The following RBM20 variants were observed in gnomAD, a reference collection of about 807,000 sequenced individuals.
RBM20 encodes the protein RNA-binding protein 20.
A neutral mutation model predicts 110.1 loss-of-function variants in RBM20; 51 were observed. That is an observed-to-expected ratio of 0.46 (90% CI 0.37 to 0.59). The LOEUF (loss-of-function observed/expected upper bound fraction) is 0.59, where lower values mean the gene tolerates loss of function less well. Ranked by LOEUF, RBM20 falls within the 20% of genes least tolerant of loss-of-function variation. RBM20 has a pLI of 0.00. For synonymous variants in RBM20, 589 were observed against 618.2 expected (o/e 0.95, Z 0.70); for missense variants, 1,512 against 1,574.9 (o/e 0.96, Z 0.68).
chr10:110,799,606 A>T (rs1426354539), intron 6 of RBM20, among the ~76,000 whole-genome samples, 181 bp from the exon 7 acceptor site: 1 of 152,216 alleles, frequency 6.6e-6, no homozygotes, highest in African/African-American at 2.4e-5. Flanking sequence ...AGGTTTCCTT[A>T]TGCTTCTTCT....
intron 7 of RBM20, among the ~76,000 whole-genome samples, chr10:110,809,364 T>A (rs1844736799): frequency 1.3e-5 from 2 of 151,128 alleles, no homozygotes; most frequent in South Asian, 4.1e-4. Context: ...ATCAGCTTTA[T>A]TTTTTGAGAT....
intron 7 of RBM20, among the ~76,000 whole-genome samples, chr10:110,803,444 C>G (rs140157337): frequency 6.0e-4 from 92 of 152,316 alleles, no homozygotes; most frequent in African/African-American, 2.0e-3. Context: ...AGTGTGCATA[C>G]AGATCACTTG....
chr10:110,727,431 A>G (rs915941179), intron 1 of RBM20, among the ~76,000 whole-genome samples: 80 of 151,108 alleles, frequency 5.3e-4, no homozygotes, highest in Admixed American at 5.3e-3. Context: ...AATAAATAAA[A>G]AGTCCATCCT....
At chr10:110,747,166 A>G (rs547789827) in intron 1 of RBM20, among the ~76,000 whole-genome samples, 4 of 152,334 alleles carry the variant, frequency 2.6e-5, no homozygotes, top group African/African-American at 7.2e-5. Flanking sequence ...TTGCAAGTCT[A>G]TAAGTATTTC....
chr10:110,804,147 G>A (rs1368332145), intron 7 of RBM20, among the ~76,000 whole-genome samples: 4 of 152,126 alleles, frequency 2.6e-5, no homozygotes, highest in East Asian at 1.9e-4. Flanking sequence ...AGAGAGAGTC[G>A]CTCTGACTGG....
intron 1 of RBM20, among the ~76,000 whole-genome samples, chr10:110,686,755 T>C (rs1253461439): frequency 6.6e-6 from 1 of 152,144 alleles, no homozygotes; most frequent in African/African-American, 2.4e-5. Context: ...GTAAAAGAAA[T>C]AGGCCGGGTG....
chr10:110,668,631 G>T (rs78382042), intron 1 of RBM20, among the ~76,000 whole-genome samples: 2 of 151,986 alleles, frequency 1.3e-5, no homozygotes, highest in African/African-American at 4.8e-5. Context: ...AACAAGTGTC[G>T]TTCCTGCCCA....
intron 1 of RBM20, among the ~76,000 whole-genome samples, chr10:110,738,743 G>A (rs190982220): frequency 3.0e-4 from 45 of 152,198 alleles, no homozygotes; most frequent in African/African-American, 7.7e-4. Flanking sequence ...GGAAGAGCAC[G>A]CGGGGCATGT....
intron 1 of RBM20, among the ~76,000 whole-genome samples, chr10:110,767,252 C>T (rs1397692085): frequency 2.2e-5 from 3 of 135,548 alleles, no homozygotes; most frequent in Admixed American, 1.4e-4. Flanking sequence ...GGTGGCTGGC[C>T]GGGCAGAGGG....
chr10:110,703,174 C>T (rs1159696579), intron 1 of RBM20, among the ~76,000 whole-genome samples: 5 of 150,996 alleles, frequency 3.3e-5, no homozygotes, highest in African/African-American at 7.3e-5. Flanking sequence ...GTCAGGAGTT[C>T]GAGACCAGCC....
At chr10:110,776,900 G>A (rs1844272594) in intron 1 of RBM20, among the ~76,000 whole-genome samples, 1 of 152,224 alleles carries the variant, frequency 6.6e-6, no homozygotes. Flanking sequence ...TAGTGACCTA[G>A]GAAGGTGACT....
At chr10:110,800,406 A>G (rs1447679340) in intron 7 of RBM20, among the ~76,000 whole-genome samples, 3 of 152,266 alleles carry the variant, frequency 2.0e-5, no homozygotes, top group Non-Finnish European at 4.4e-5. Flanking sequence ...TCAGGGATGC[A>G]TTCAAATAGT....
intron 12 of RBM20, among the ~76,000 whole-genome samples, chr10:110,824,642 A>G (rs1445188520): frequency 3.9e-5 from 6 of 152,202 alleles, no homozygotes; most frequent in Admixed American, 6.5e-5. Flanking sequence ...CAAAGAGAAG[A>G]GTTAAGCAGA....
Position 110,698,443 on chromosome 10 carries a change from A to G in RBM20, c.191+53798A>G, listed in dbSNP as rs544049759. ...CCTCGCTGGCAGGAGCCTGGCAGGA[A>G]CCCTGCCTGTCCTTGAGGGCCCATC... On this transcript the variant is annotated intron_variant, in intron 1 of 13. Coordinates refer to ENST00000369519, the MANE Select transcript of RBM20 (RefSeq NM_001134363.3). Among the ~76,000 whole-genome samples, 3 of 152,196 alleles carry G rather than the reference A, an allele frequency of 2.0e-5. No homozygotes were observed. The South Asian group carries it at 6.2e-4, about 32-fold the overall frequency.
At chr10:110,741,094 G>T (rs1270343617) in intron 1 of RBM20, among the ~76,000 whole-genome samples, 1 of 152,170 alleles carries the variant, frequency 6.6e-6, no homozygotes, top group Non-Finnish European at 1.5e-5. Context: ...TCTCTCAGCA[G>T]CTCCTGACAT....
chr10:110,716,794 G>T (rs1471934233), intron 1 of RBM20, among the ~76,000 whole-genome samples: 1 of 151,858 alleles, frequency 6.6e-6, no homozygotes, highest in African/African-American at 2.4e-5. Context: ...GTGGGCGCCT[G>T]TAGTCCCAGC....
chr10:110,824,079 G>GGCTGTAAAA, intron 12 of RBM20, among the ~76,000 whole-genome samples: 1 of 152,074 alleles, frequency 6.6e-6, no homozygotes, highest in South Asian at 2.1e-4. Flanking sequence ...TGCAAGGGGC[G>GGCTGTAAAA]GCTGTAAACT....
chr10:110,694,801 A>G (rs530778282), intron 1 of RBM20, among the ~76,000 whole-genome samples: 26 of 152,206 alleles, frequency 1.7e-4, no homozygotes, highest in South Asian at 2.1e-4. Flanking sequence ...AGACACCACA[A>G]GGAGCTGACT....
At chr10:110,752,326 C>T (rs1843864225) in intron 1 of RBM20, among the ~76,000 whole-genome samples, 3 of 152,200 alleles carry the variant, frequency 2.0e-5, no homozygotes, top group African/African-American at 7.2e-5. Context: ...CCTCTTTCAC[C>T]TAGTAATGTG....
Sources: allele counts gnomAD v4.1 joint callset (sites outside exome capture counted in the v4.1 genomes callset), GRCh38; gene constraint gnomAD v4.1.1; transcripts MANE v1.5; gene names NCBI Gene and HGNC (gene_info 2026-07-23, HGNC 2026-07-21).